Variants in CEP20 observed in about 807,000 individuals in gnomAD.
The protein encoded by CEP20 is FGFR1OP N-terminal like.
CEP20 carries 18 observed loss-of-function variants against 20.0 expected under a neutral mutation model. That is an observed-to-expected ratio of 0.90 (90% CI 0.62 to 1.34). The LOEUF (loss-of-function observed/expected upper bound fraction) is 1.34, where lower values mean the gene tolerates loss of function less well. Among genes scored for constraint, CEP20 ranks in the 40% most tolerant of loss-of-function variants. The pLI is 0.00. For missense variants in CEP20, 215 were observed against 201.6 expected, an observed-to-expected ratio of 1.07 and a Z score of -0.40; for synonymous variants, 77 against 73.7, an observed-to-expected ratio of 1.04 and a Z score of -0.23.
chr16:15,876,422 C>T (rs536850448), intron 3 of CEP20, among the ~76,000 whole-genome samples: 207 of 151,962 alleles, frequency 1.4e-3, no homozygotes, highest in Non-Finnish European at 2.4e-3. Flanking sequence ...TTGCCGTGAG[C>T]CGAGATCACG....
intron 4 of CEP20, among the ~76,000 whole-genome samples, chr16:15,869,095 A>G (rs200845748): frequency 6.7e-6 from 1 of 150,056 alleles, no homozygotes; most frequent in Non-Finnish European, 1.5e-5. Context: ...AAGAAAAAAA[A>G]TGTGTGTGTG....
At chr16:15,881,207 A>G (rs2045089676) in intron 2 of CEP20, among the ~76,000 whole-genome samples, 1 of 152,174 alleles carries the variant, frequency 6.6e-6, no homozygotes, top group Non-Finnish European at 1.5e-5. Context: ...TGTACAGTTT[A>G]AAAGGTAAAT....
chr16:15,887,002 T>G (rs5021808), intron 1 of CEP20, among the ~76,000 whole-genome samples: 29,423 of 151,662 alleles, frequency 0.19, 2,848 homozygotes, highest in African/African-American at 0.27. Context: ...GGGCTCAAGC[T>G]ATCTTCCTGT....
At chr16:15,881,183 C>T (rs566875534) in intron 2 of CEP20, among the ~76,000 whole-genome samples, 1 of 152,088 alleles carries the variant, frequency 6.6e-6, no homozygotes, top group East Asian at 1.9e-4. Context: ...AGGCATTTGA[C>T]TAAAGTACAG....
At chr16:15,867,653 A>G (rs2151417831) in intron 4 of CEP20, 137 bp from the exon 5 acceptor site, 1 of 550,858 alleles carries the variant, frequency 1.8e-6, no homozygotes, top group East Asian at 3.1e-5. Flanking sequence ...ACAATGAAAA[A>G]AACCCATTAT....
intron 3 of CEP20, among the ~76,000 whole-genome samples, chr16:15,877,598 T>C (rs2044985800): frequency 6.6e-6 from 1 of 151,788 alleles, no homozygotes; most frequent in African/African-American, 2.4e-5. Flanking sequence ...AAAACACCAT[T>C]TCTAAAAAAA....
At chr16:15,886,344 C>T (rs548302795) in intron 1 of CEP20, among the ~76,000 whole-genome samples, 33 of 152,300 alleles carry the variant, frequency 2.2e-4, no homozygotes, top group Non-Finnish European at 3.5e-4. Flanking sequence ...AACCTTCTTG[C>T]AGATAGGTTA....
chr16:15,879,479 C>T (rs1380641938), intron 3 of CEP20, among the ~76,000 whole-genome samples: 2 of 151,966 alleles, frequency 1.3e-5, no homozygotes, highest in Non-Finnish European at 2.9e-5. Context: ...GAGGCCTTGC[C>T]TCTACAAAAA....
intron 4 of CEP20, among the ~76,000 whole-genome samples, chr16:15,870,397 C>G (rs995707219): frequency 5.9e-5 from 9 of 151,996 alleles, no homozygotes; most frequent in African/African-American, 1.9e-4. Flanking sequence ...ACTGATAAAG[C>G]CTTTTTGGAG....
chr16:15,885,318 C>T (rs1174538831), intron 1 of CEP20, among the ~76,000 whole-genome samples: 1 of 145,106 alleles, frequency 6.9e-6, no homozygotes, highest in African/African-American at 2.6e-5. Context: ...AAACAACCAA[C>T]CAACCAACCA....
At chr16:15,881,325 A>G (rs60492536) in intron 2 of CEP20, among the ~76,000 whole-genome samples, 10,503 of 152,154 alleles carry the variant, frequency 0.069, 473 homozygotes, top group East Asian at 0.22. Flanking sequence ...CCAAGTCCCC[A>G]CTATTTTCAT....
intron 4 of CEP20, among the ~76,000 whole-genome samples, chr16:15,868,649 T>C (rs1185630722): frequency 6.6e-6 from 1 of 152,208 alleles, no homozygotes; most frequent in Non-Finnish European, 1.5e-5. Context: ...AATGTGATTA[T>C]ACACACGCTT....
At position 15,867,318 on chromosome 16, in the gene CEP20, G is replaced by A. The variant is rs1021958876; in HGVS notation, c.*122C>T. On this transcript the variant is annotated 3_prime_UTR_variant, in exon 5 of 5. Transcript: ENST00000255759. ...TCACAAATGTAGTTAAACATGAGGG[G>A]TGTTTTGTAGAAACTCCAATTTCTA... The A allele has an allele frequency of 1.8e-6, 1 of 568,866 alleles. No individual in the cohort carries two copies. The highest frequency in any genetic ancestry group is 1.9e-5 in the African/African-American group (1 of 53,224). 35.2% of individuals were successfully genotyped at this position (568,866 alleles called of 1,614,324 possible). A position where few individuals can be genotyped will look rare whatever the true frequency, so the allele number is the denominator to read the frequency against.
chr16:15,883,959 TG>T, intron 2 of CEP20, 48 bp downstream of exon 2: 2 of 1,486,070 alleles, frequency 1.3e-6, no homozygotes. Context: ...TTCTGAGAAT[TG>T]GGGAAAGGGG....
intron 3 of CEP20, among the ~76,000 whole-genome samples, chr16:15,879,283 G>C (rs1010295231): frequency 6.6e-6 from 1 of 151,802 alleles, no homozygotes; most frequent in Non-Finnish European, 1.5e-5. Context: ...TTTTAGGAGA[G>C]GAGAGATCTG....
chr16:15,876,883 G>A (rs529984103), intron 3 of CEP20, among the ~76,000 whole-genome samples: 40 of 136,948 alleles, frequency 2.9e-4, no homozygotes, highest in Admixed American at 1.4e-3. Flanking sequence ...ACGGAGTCTC[G>A]CTTCTGTCGC....
intron 2 of CEP20, among the ~76,000 whole-genome samples, 166 bp from the exon 3 acceptor site, chr16:15,880,054 A>G (rs1041756633): frequency 1.3e-5 from 2 of 152,232 alleles, no homozygotes; most frequent in Admixed American, 1.3e-4. Context: ...GACTTTCAAA[A>G]TATCTCTTTT....
At chr16:15,884,370 C>T (rs1438866993) in intron 1 of CEP20, among the ~76,000 whole-genome samples, 165 bp from the exon 2 acceptor site, 1 of 152,244 alleles carries the variant, frequency 6.6e-6, no homozygotes, top group South Asian at 2.1e-4. Flanking sequence ...CTACCACCAG[C>T]CATGTTTATA....
At chr16:15,877,195 C>G (rs1355626017) in intron 3 of CEP20, 1 of 152,382 alleles carries the variant, frequency 6.6e-6, no homozygotes, top group Non-Finnish European at 1.5e-5. Context: ...ATTTGCGTGT[C>G]ATCCCTTTGC....
Sources: allele counts gnomAD v4.1 joint callset (sites outside exome capture counted in the v4.1 genomes callset), GRCh38; gene constraint gnomAD v4.1.1; transcripts MANE v1.5; gene names NCBI Gene and HGNC (gene_info 2026-07-23, HGNC 2026-07-21).